Variants in ELMO1 observed in about 807,000 individuals in gnomAD.
ELMO1 encodes engulfment and cell motility 1.
Under a neutral mutation model 98.9 loss-of-function variants are expected in ELMO1, and 26 were observed. The observed-to-expected ratio is 0.26, with a 90% CI of 0.19 to 0.36. ELMO1 has a LOEUF of 0.36. ELMO1 is among the 10% of genes least tolerant of loss of function. ELMO1 has a pLI of 1.00. For missense variants in ELMO1, 627 were observed against 935.2 expected (o/e 0.67, Z 4.30); for synonymous variants, 346 against 346.0 (o/e 1.00, Z 0.00).
rs568785082 is a variant in ELMO1, at chr7:37,349,261, A to C, written c.-73-6498T>G. 6.6e-5 allele frequency among the ~76,000 whole-genome samples: 10 copies of C among 152,276 alleles called. No individual in the cohort carries two copies. In the East Asian group the frequency reaches 1.4e-3, roughly 21 times the overall value. On this transcript the variant is annotated intron_variant, in intron 1 of 21. Coordinates refer to ENST00000310758, the MANE Select transcript of ELMO1 (RefSeq NM_014800.11). ...TAATGGGTTTATAATGATGATGGGG[A>C]TAGTGGAAAGGGAGCTGTTCATCTC...
chr7:37,105,901 G>A (rs1234448643), intron 14 of ELMO1, among the ~76,000 whole-genome samples: 2 of 152,326 alleles, frequency 1.3e-5, no homozygotes, highest in East Asian at 3.9e-4. Context: ...TGCTTAGCGG[G>A]TATGGGGTTA....
intron 15 of ELMO1, among the ~76,000 whole-genome samples, chr7:37,024,402 A>G (rs1270210697): frequency 6.6e-6 from 1 of 152,232 alleles, no homozygotes; most frequent in East Asian, 1.9e-4. Flanking sequence ...ACAACTTTCC[A>G]TCTCTTTTCT....
chr7:36,913,744 T>A (rs17170781), intron 16 of ELMO1, among the ~76,000 whole-genome samples: 1,781 of 152,274 alleles, frequency 0.012, 14 homozygotes, highest in Middle Eastern at 0.054. Context: ...TTAAAATGAG[T>A]CCCTATGCTA....
chr7:36,882,702 G>A (rs1329466245), intron 18 of ELMO1, among the ~76,000 whole-genome samples: 1 of 152,174 alleles, frequency 6.6e-6, no homozygotes, highest in African/African-American at 2.4e-5. Flanking sequence ...AGAAATCCCT[G>A]TTCTTCATAT....
At chr7:37,326,083 T>C (rs1799786007) in intron 2 of ELMO1, among the ~76,000 whole-genome samples, 1 of 152,168 alleles carries the variant, frequency 6.6e-6, no homozygotes, top group African/African-American at 2.4e-5. Context: ...ATCTGAAAGG[T>C]AACGACAAAG....
chr7:36,992,320 A>C (rs933320751), intron 16 of ELMO1, among the ~76,000 whole-genome samples: 2 of 152,220 alleles, frequency 1.3e-5, no homozygotes, highest in South Asian at 2.1e-4. Context: ...TAATAAGTGA[A>C]TGGGCTGACC....
chr7:36,863,796 ATAGGTCATTATCTCTTCTTACAAC>A (rs1802817806), intron 20 of ELMO1, among the ~76,000 whole-genome samples: 1 of 152,248 alleles, frequency 6.6e-6, no homozygotes, highest in Non-Finnish European at 1.5e-5. Flanking sequence ...GTGATAGGTC[ATAGGTCATTATCTCTTCTTACAAC>A]TTTTTTTTCA....
At chr7:37,098,376 A>T (rs1784470176) in intron 14 of ELMO1, among the ~76,000 whole-genome samples, 1 of 152,266 alleles carries the variant, frequency 6.6e-6, no homozygotes, top group Non-Finnish European at 1.5e-5. Context: ...GTTTATCGCA[A>T]GTGCTATGAA....
chr7:36,914,333 A>G (rs1784540003), intron 16 of ELMO1, among the ~76,000 whole-genome samples: 1 of 152,210 alleles, frequency 6.6e-6, no homozygotes, highest in Admixed American at 6.5e-5. Context: ...GTGACTGCAA[A>G]CTAAACGTCC....
chr7:36,903,735 C>T (rs189315905), intron 16 of ELMO1, among the ~76,000 whole-genome samples: 8 of 152,236 alleles, frequency 5.3e-5, no homozygotes, highest in South Asian at 2.1e-4. Flanking sequence ...GCAGTTCCAG[C>T]GAAAAGGGAG....
At chr7:37,249,379 CTT>C (rs1206582705) in intron 6 of ELMO1, among the ~76,000 whole-genome samples, 1 of 152,184 alleles carries the variant, frequency 6.6e-6, no homozygotes, top group Non-Finnish European at 1.5e-5. Flanking sequence ...AATTTATACA[CTT>C]AATGTTTCTT....
rs1296149656 is a variant in ELMO1 at position 37,342,632 on chromosome 7, T to G, written c.59A>C (p.Lys20Thr). The G allele has an allele frequency of 6.2e-7, 1 of 1,613,602 alleles. No homozygotes were observed. Among genetic ancestry groups the G allele is most frequent in the Non-Finnish European group, 8.5e-7 (1 of 1,179,908 alleles). Residue 20 changes from lysine (K) to threonine (T), a missense_variant, in exon 2 of 22, where the codon AAA becomes ACA. Physicochemically the swap from Lys to Thr is moderately conservative, Grantham distance 78. Coordinates refer to ENST00000310758, the MANE Select transcript of ELMO1 (RefSeq NM_014800.11). The surrounding 1 kb of genome is among the most constrained non-coding windows in gnomAD (Gnocchi z 4.3). ...ACTAACCTGATCAATTTCCATGAGT[T>G]TGGGGTAGGCGCCCGGCCATTCTAT... ...VAIEWPGAYP[K>T]LMEIDQKKPL... is the part of the protein sequence containing the mutation.
intron 15 of ELMO1, among the ~76,000 whole-genome samples, chr7:37,058,419 C>T (rs1321387471): frequency 6.6e-6 from 1 of 151,982 alleles, no homozygotes; most frequent in Admixed American, 6.6e-5. Context: ...ATGCACCAAC[C>T]TCTCTCTCTC....
intron 16 of ELMO1, among the ~76,000 whole-genome samples, chr7:36,940,174 C>T (rs1048007265): frequency 1.3e-5 from 2 of 152,194 alleles, no homozygotes; most frequent in African/African-American, 4.8e-5. Context: ...CCTGAAGGGA[C>T]TTTCTAAATG....
chr7:37,392,761 A>T (rs1301157341), intron 1 of ELMO1, among the ~76,000 whole-genome samples: 2 of 152,216 alleles, frequency 1.3e-5, no homozygotes, highest in Non-Finnish European at 2.9e-5. Flanking sequence ...GTCTGCCTAC[A>T]GGGAGGAAAT....
At chr7:36,911,522 A>T (rs926805202) in intron 16 of ELMO1, among the ~76,000 whole-genome samples, 13 of 152,188 alleles carry the variant, frequency 8.5e-5, no homozygotes, top group Admixed American at 7.2e-4. Flanking sequence ...TACTGGTATA[A>T]AGTGCATTTT....
At chr7:37,219,209 G>A (rs1793461923) in intron 10 of ELMO1, among the ~76,000 whole-genome samples, 1 of 152,138 alleles carries the variant, frequency 6.6e-6, no homozygotes, top group Non-Finnish European at 1.5e-5. Flanking sequence ...CTTTACCCTA[G>A]GCCCCAGCAC....
intron 17 of ELMO1, among the ~76,000 whole-genome samples, chr7:36,892,444 C>T (rs867137619): frequency 2.6e-5 from 4 of 152,336 alleles, no homozygotes; most frequent in Middle Eastern, 6.8e-3. Flanking sequence ...ATCCCCCACC[C>T]CTAATCCTAG....
intron 2 of ELMO1, among the ~76,000 whole-genome samples, chr7:37,324,357 GACATCC>G (rs1241352864): frequency 6.6e-6 from 1 of 151,788 alleles, no homozygotes; most frequent in East Asian, 1.9e-4. Flanking sequence ...TCTCAGCTCT[GACATCC>G]ACTTCTCCGG....
Sources: gnomAD v4.1 joint callset for allele counts (sites outside exome capture counted in the v4.1 genomes callset) on GRCh38, gnomAD v4.1.1 for gene constraint, Gnocchi (gnomAD v3.1) non-coding constraint, MANE v1.5 for transcripts, NCBI Gene and HGNC (gene_info 2026-07-23, HGNC 2026-07-21) for gene names.